Variants in POGZ observed in about 807,000 individuals in gnomAD.
POGZ encodes pogo transposable element with ZNF domain.
Under a neutral mutation model 134.6 loss-of-function variants are expected in POGZ, and 17 were observed. The ratio of observed to expected loss-of-function variants is 0.13; its 90% CI spans 0.09 to 0.19. POGZ has a LOEUF of 0.19. Ranked by LOEUF, POGZ falls within the 10% of genes least tolerant of loss-of-function variation. POGZ has a pLI of 1.00. For missense variants in POGZ, 1,306 were observed against 1,769.7 expected, an observed-to-expected ratio of 0.74 and a Z score of 4.70; for synonymous variants, 693 against 657.1, an observed-to-expected ratio of 1.05 and a Z score of -0.84.
chr1:151,405,126 G>T lies in POGZ; in HGVS notation c.3909C>A (p.Val1303=). 6.2e-7 allele frequency: 1 copy of T among 1,614,226 alleles called. No individual in the cohort carries two copies. Residue 1303 remains valine (V), a synonymous_variant, in exon 19 of 19, where the codon GTC becomes GTA. Transcript: ENST00000271715. This position sits in a 1 kb window ranked among gnomAD's most constrained non-coding sequence, Gnocchi z 4.9. ...DSDVLLQLVL[V]WLGEVLGVIG... is the part of the protein sequence containing the mutation. ...TGACACCTAGCACTTCACCCAGCCA[G>T]ACAAGCACCAGCTGAAGCAGGACAT...
rs1339335164 is a variant in POGZ at position 151,430,807 on chromosome 1, T to C, written c.318A>G (p.Pro106=). 6.3e-7 allele frequency: 1 copy of C among 1,586,626 alleles called. No homozygotes were observed. The highest frequency in any genetic ancestry group is 8.5e-7 in the Non-Finnish European group (1 of 1,169,890). Residue 106 remains proline (P), a synonymous_variant, in exon 4 of 19, where the codon CCA becomes CCG. Transcript: ENST00000271715. ...GNPLVQQGGQ[P]LILTQNPAPG... is the part of the protein sequence containing the mutation. ...GGGCTGGATTCTGGGTCAGGATGAG[T>C]GGCTGTCCACCTTGCTGGACCAAAG...
intron 3 of POGZ, among the ~76,000 whole-genome samples, chr1:151,435,020 C>G (rs1659344763): frequency 1.3e-5 from 2 of 151,976 alleles, no homozygotes; most frequent in Admixed American, 1.3e-4. Flanking sequence ...TCTGCTCAGC[C>G]TCCCAAGTAG....
intron 3 of POGZ, among the ~76,000 whole-genome samples, chr1:151,433,868 TA>T (rs541378378): frequency 6.6e-6 from 1 of 150,918 alleles, no homozygotes; most frequent in Admixed American, 6.6e-5. Context: ...TCTGGTGCTT[TA>T]AAAAAAAAGC....
At chr1:151,416,039 C>T (rs1447274517) in intron 10 of POGZ, among the ~76,000 whole-genome samples, 1 of 147,368 alleles carries the variant, frequency 6.8e-6, no homozygotes, top group South Asian at 2.2e-4. Context: ...CATGGCGAAA[C>T]CCCGCCTCTA....
intron 18 of POGZ, 40 bp from the exon 19 acceptor site, chr1:151,406,504 G>A: frequency 6.4e-7 from 1 of 1,556,124 alleles, no homozygotes; most frequent in Non-Finnish European, 8.6e-7. Context: ...AGAAATCTCA[G>A]TTCAACTAGG....
chr1:151,441,296 GTTAA>G (rs1365388962), intron 2 of POGZ, among the ~76,000 whole-genome samples: 2 of 152,076 alleles, frequency 1.3e-5, no homozygotes, highest in Admixed American at 1.3e-4. Flanking sequence ...ACATCTCCTG[GTTAA>G]TTAAGTTACA....
chr1:151,436,725 T>C (rs758298825), intron 3 of POGZ, among the ~76,000 whole-genome samples: 2 of 152,274 alleles, frequency 1.3e-5, no homozygotes, highest in African/African-American at 4.8e-5. Flanking sequence ...TGTGTACATA[T>C]ATTACATTTT....
chr1:151,452,505 T>C lies in POGZ; in HGVS notation c.-2+6647A>G, dbSNP rs12068371. On this transcript the variant is annotated intron_variant, in intron 1 of 18. Coordinates refer to ENST00000271715, the MANE Select transcript of POGZ (RefSeq NM_015100.4). ...AGTTGTCACTACAGGTGGGCTATTTTGATATTTTCTTATAGATACTAGTAT... is the reference window on the plus strand; with the variant it reads ...AGTTGTCACTACAGGTGGGCTATTTCGATATTTTCTTATAGATACTAGTAT... Among the ~76,000 whole-genome samples the C allele has an allele frequency of 5.2e-3, 786 of 152,052 alleles. 16 individuals carry two copies. The highest frequency in any genetic ancestry group is 0.018 in the African/African-American group (757 of 41,540).
At chr1:151,409,952 C>G (rs1654378661) in intron 12 of POGZ, among the ~76,000 whole-genome samples, 1 of 152,170 alleles carries the variant, frequency 6.6e-6, no homozygotes, top group Non-Finnish European at 1.5e-5. Flanking sequence ...GAGACAATTT[C>G]CATGCCCCTA....
Position 151,459,373 on chromosome 1 carries a change from C to CGGGGGGGCCCCGAGGGA in POGZ, c.-240_-224dup, listed in dbSNP as rs1663238430. The CGGGGGGGCCCCGAGGGA allele has an allele frequency of 2.0e-5, 1 of 49,248 alleles. No individual in the cohort carries two copies. The highest frequency in any genetic ancestry group is 5.7e-5 in the Non-Finnish European group (1 of 17,446). 3.1% of individuals were successfully genotyped at this position (49,248 alleles called of 1,614,324 possible). On this transcript the variant is annotated 5_prime_UTR_variant, in exon 1 of 19. Transcript: ENST00000271715. ...GGGTGGATTTTTTTCCCGAGGGGGG[C>CGGGGGGGCCCCGAGGGA]GGGGGGGCCCCGAGGGAGGGGGGTG...
At position 151,404,986 on chromosome 1, in the gene POGZ, A is replaced by C; in HGVS notation, c.4049T>G (p.Ile1350Ser). 1 of 1,614,172 alleles carries C rather than the reference A, an allele frequency of 6.2e-7. No individual in the cohort carries two copies. The highest frequency in any genetic ancestry group is 8.5e-7 in the Non-Finnish European group (1 of 1,180,014). The change falls in exon 19 of 19, where the codon ATT becomes AGT. Residue 1350 changes from isoleucine to serine, a missense_variant. By Grantham distance (142) the Ile-to-Ser change is moderately radical (BLOSUM62 -2). Transcript: ENST00000271715. Reference sequence around the variant, plus strand: ...CTTCAGTTGCTCCTCTAGGGAGGCAATTAGCTCCTCCTGCATGTCAGCATT... The same window carrying C: ...CTTCAGTTGCTCCTCTAGGGAGGCACTTAGCTCCTCCTGCATGTCAGCATT... ...TRNADMQEEL[I>S]ASLEEQLKLS...
At chr1:151,444,806 A>G (rs544970707) in intron 1 of POGZ, among the ~76,000 whole-genome samples, 3 of 152,102 alleles carry the variant, frequency 2.0e-5, no homozygotes, top group Non-Finnish European at 4.4e-5. Flanking sequence ...CTTCTGAGAG[A>G]AATGGAAAGA....
intron 10 of POGZ, among the ~76,000 whole-genome samples, chr1:151,419,174 C>T (rs1571403240): frequency 6.6e-6 from 1 of 151,812 alleles, no homozygotes; most frequent in Non-Finnish European, 1.5e-5. Flanking sequence ...AACGACACGG[C>T]GAAACCCCAT....
intron 3 of POGZ, among the ~76,000 whole-genome samples, chr1:151,434,075 G>C (rs1659181110): frequency 6.6e-6 from 1 of 152,112 alleles, no homozygotes; most frequent in Non-Finnish European, 1.5e-5. Context: ...TTGGGAGGCC[G>C]AGGCAGGCAG....
At chr1:151,455,242 G>A (rs755700290) in intron 1 of POGZ, 1 of 152,148 alleles carries the variant, frequency 6.6e-6, no homozygotes, top group Non-Finnish European at 1.5e-5. Context: ...TAATCAACCA[G>A]CTCTAAAGTT....
intron 1 of POGZ, among the ~76,000 whole-genome samples, 161 bp downstream of exon 1, chr1:151,458,991 T>C (rs1663171064): frequency 7.0e-6 from 1 of 142,142 alleles, no homozygotes; most frequent in South Asian, 2.2e-4. Context: ...CCACTCGCGG[T>C]GGGCGGGGGC....
chr1:151,455,838 C>G (rs1358340835), intron 1 of POGZ, among the ~76,000 whole-genome samples: 1 of 150,978 alleles, frequency 6.6e-6, no homozygotes, highest in Non-Finnish European at 1.5e-5. Flanking sequence ...TTTTAATAAC[C>G]TTTTCAGATA....
At position 151,406,252 on chromosome 1, in the gene POGZ, G is replaced by T. The variant is rs765621793; in HGVS notation, c.2783C>A (p.Ala928Asp). The T allele has an allele frequency of 3.1e-6, 5 of 1,613,874 alleles. No homozygotes were observed. Among genetic ancestry groups the T allele is most frequent in the Non-Finnish European group, 4.2e-6 (5 of 1,179,850 alleles). The change falls in exon 19 of 19, where the codon GCC becomes GAC. Residue 928 changes from alanine (A) to aspartate (D), a missense_variant. Physicochemically the swap from Ala to Asp is moderately radical, Grantham distance 126. Around this residue, in one of 10 missense-constraint regions of POGZ, gnomAD observed 214 missense variants for 255.5 expected, o/e 0.84. Coordinates refer to ENST00000271715, the MANE Select transcript of POGZ (RefSeq NM_015100.4). ...TCCCTCTGTAGCCAGCGGTGGAAGG[G>T]CTAAAGCCTGCGGGTGAGTGGGGGT... ...PPTPTHPQAL[A>D]LPPLATEGAE...
rs755307314 is a variant in POGZ, at chr1:151,405,104, C to T, written c.3931G>A (p.Val1311Ile). 7.2e-5 allele frequency: 116 copies of T among 1,614,122 alleles called. No homozygotes were observed. The highest frequency in any genetic ancestry group is 9.8e-5 in the Non-Finnish European group (116 of 1,180,048). Residue 1311 changes from valine to isoleucine, a missense_variant, in exon 19 of 19, where the codon GTC becomes ATC. Physicochemically the swap from Val to Ile is conservative, Grantham distance 29 (BLOSUM62 3). Coordinates refer to ENST00000271715, the MANE Select transcript of POGZ (RefSeq NM_015100.4). This position sits in a 1 kb window ranked among gnomAD's most constrained non-coding sequence, Gnocchi z 4.9. ...VLVWLGEVLG[V>I]IGDCPELVQR... ...ACTAGCTCTGGACAGTCCCCAATGA[C>T]ACCTAGCACTTCACCCAGCCAGACA...
Sources: allele counts gnomAD v4.1 joint callset (sites outside exome capture counted in the v4.1 genomes callset), GRCh38; gene constraint gnomAD v4.1.1; regional missense constraint gnomAD v4.1.1; non-coding constraint Gnocchi (gnomAD v3.1); transcripts MANE v1.5; gene names NCBI Gene and HGNC (gene_info 2026-07-23, HGNC 2026-07-21).